ITPR2: variants seen among roughly 807,000 people sequenced by gnomAD.
ITPR2 encodes inositol 1,4,5-trisphosphate-gated calcium channel ITPR2.
Under a neutral mutation model 317.1 loss-of-function variants are expected in ITPR2, and 207 were observed. The observed-to-expected ratio is 0.65, with a 90% CI of 0.58 to 0.73. ITPR2 has a LOEUF of 0.73. Among genes scored for constraint, ITPR2 ranks in the 30% least tolerant of loss-of-function variants. The pLI is 0.00. For missense variants in ITPR2, 2,613 were observed against 3,284.0 expected, an observed-to-expected ratio of 0.80 and a Z score of 4.99; for synonymous variants, 1,156 against 1,149.1, an observed-to-expected ratio of 1.01 and a Z score of -0.12.
chr12:26,588,466 T>C (rs1384445226), intron 32 of ITPR2, among the ~76,000 whole-genome samples: 1 of 152,190 alleles, frequency 6.6e-6, no homozygotes, highest in Non-Finnish European at 1.5e-5. Flanking sequence ...CCATATAAAA[T>C]GAGCCCTTTT....
intron 44 of ITPR2, among the ~76,000 whole-genome samples, chr12:26,476,368 G>A (rs1297714526): frequency 1.3e-5 from 2 of 152,140 alleles, no homozygotes; most frequent in African/African-American, 4.8e-5. Context: ...TTCATAATGT[G>A]CATGCCACGA....
intron 31 of ITPR2, among the ~76,000 whole-genome samples, chr12:26,595,794 T>A (rs908480306): frequency 2.0e-5 from 3 of 152,154 alleles, no homozygotes; most frequent in Non-Finnish European, 4.4e-5. Flanking sequence ...TAGTACTCCA[T>A]CCCCCTGGGC....
Position 26,769,967 on chromosome 12 carries a change from G to A in ITPR2, c.163+20190C>T, listed in dbSNP as rs555314084. 5.3e-5 allele frequency among the ~76,000 whole-genome samples: 8 copies of A among 152,216 alleles called. No homozygotes were observed. In the South Asian group the frequency reaches 1.7e-3, roughly 32 times the overall value. On this transcript the variant is annotated intron_variant, in intron 2 of 56. Transcript: ENST00000381340. ...GAAATTCTACTGGTGTAACACGATT[G>A]GGAATAACTTCCTAAAGAATACAAA... is the stretch of plus-strand genomic sequence containing the variant.
intron 2 of ITPR2, among the ~76,000 whole-genome samples, chr12:26,737,299 C>G (rs1310810915): frequency 6.6e-6 from 1 of 151,744 alleles, no homozygotes; most frequent in Non-Finnish European, 1.5e-5. Flanking sequence ...CGCTCTGTCA[C>G]CCAGGCTGGA....
chr12:26,802,097 A>C (rs1312089600), intron 1 of ITPR2, among the ~76,000 whole-genome samples: 1 of 152,118 alleles, frequency 6.6e-6, no homozygotes, highest in African/African-American at 2.4e-5. Context: ...GCAAGGAGTT[A>C]AAGATCAGCC....
chr12:26,517,619 C>G (rs913131025), intron 37 of ITPR2, among the ~76,000 whole-genome samples: 1 of 152,170 alleles, frequency 6.6e-6, no homozygotes, highest in Non-Finnish European at 1.5e-5. Context: ...AGGTGGATCA[C>G]CAGAGGTCAG....
chr12:26,566,076 A>G (rs1944971452), intron 34 of ITPR2, among the ~76,000 whole-genome samples: 1 of 117,924 alleles, frequency 8.5e-6, no homozygotes. Context: ...AGGAAAGGAG[A>G]AGGAGAGGAG....
chr12:26,667,944 C>T (rs1947664788), intron 13 of ITPR2, among the ~76,000 whole-genome samples: 1 of 152,080 alleles, frequency 6.6e-6, no homozygotes, highest in Admixed American at 6.6e-5. Context: ...CATGTAAAGC[C>T]CACCTCTTCA....
chr12:26,601,203 C>T (rs1018354097), intron 28 of ITPR2, among the ~76,000 whole-genome samples: 4 of 152,108 alleles, frequency 2.6e-5, no homozygotes, highest in South Asian at 2.1e-4. Flanking sequence ...GGCATTGTTA[C>T]GAATTCAGAT....
intron 32 of ITPR2, among the ~76,000 whole-genome samples, chr12:26,590,013 T>C (rs1351396867): frequency 6.6e-6 from 1 of 151,430 alleles, no homozygotes; most frequent in Admixed American, 6.6e-5. Flanking sequence ...CTCAAAAGTA[T>C]GTTGAAACTA....
At position 26,700,290 on chromosome 12, in the gene ITPR2, G is replaced by C. The variant is rs566476370; in HGVS notation, c.952-4640C>G. ...GGTAGAATTTTAACTGGCAGGGCAG[G>C]AACCAGGGAGTGAAGAAGGCAGCAA... On this transcript the variant is annotated intron_variant, in intron 9 of 56. Transcript: ENST00000381340. Among the ~76,000 whole-genome samples the C allele has an allele frequency of 8.1e-4, 124 of 152,336 alleles. 5 individuals carry two copies. The South Asian group carries it at 0.021, about 26-fold the overall frequency.
intron 2 of ITPR2, among the ~76,000 whole-genome samples, chr12:26,769,432 G>C (rs1251295163): frequency 6.6e-6 from 1 of 152,012 alleles, no homozygotes; most frequent in East Asian, 1.9e-4. Context: ...ACCTGGGAAG[G>C]AAAGGCAGTT....
chr12:26,791,655 C>T (rs781205911), intron 1 of ITPR2, among the ~76,000 whole-genome samples: 4 of 152,068 alleles, frequency 2.6e-5, no homozygotes, highest in Non-Finnish European at 5.9e-5. Context: ...TTTACAAGAG[C>T]TGCCAGGCAT....
rs979964520 is a variant in ITPR2 at position 26,336,839 on chromosome 12, C to G, written c.*2558G>C. 1 of 152,078 alleles carries G rather than the reference C, an allele frequency of 6.6e-6. No homozygotes were observed. The highest frequency in any genetic ancestry group is 1.5e-5 in the Non-Finnish European group (1 of 67,998). The allele number at this position is 152,078 out of a possible 1,614,324, so 9.4% of individuals were successfully genotyped here. A position where few individuals can be genotyped will look rare whatever the true frequency, so the allele number is the denominator to read the frequency against. Reference sequence around the variant, plus strand: ...CTGATACTCACCTAAGTCAAATATTCCAGTTGCATTAACAAACATACACAT... The same window carrying G: ...CTGATACTCACCTAAGTCAAATATTGCAGTTGCATTAACAAACATACACAT... On this transcript the variant is annotated 3_prime_UTR_variant, in exon 57 of 57. Coordinates refer to ENST00000381340, the MANE Select transcript of ITPR2 (RefSeq NM_002223.4).
At chr12:26,634,884 CAAAAAAAAAA>C (rs55985706) in intron 21 of ITPR2, among the ~76,000 whole-genome samples, 2 of 58,544 alleles carry the variant, frequency 3.4e-5, no homozygotes, top group African/African-American at 6.6e-5. Flanking sequence ...GACTTCATCT[CAAAAAAAAAA>C]AAAAAAAAAA....
intron 37 of ITPR2, among the ~76,000 whole-genome samples, chr12:26,523,972 T>G (rs1328431459): frequency 4.6e-5 from 7 of 152,242 alleles, no homozygotes; most frequent in Non-Finnish European, 1.0e-4. Context: ...AGCTTTAATC[T>G]GCACGGAGTG....
intron 40 of ITPR2, 53 bp from the exon 41 acceptor site, chr12:26,486,413 T>TTA: frequency 3.1e-6 from 3 of 974,236 alleles, no homozygotes; most frequent in South Asian, 2.1e-5. Flanking sequence ...TTTTACTAAT[T>TTA]AAAAAAAAAA....
intron 55 of ITPR2, among the ~76,000 whole-genome samples, chr12:26,345,406 A>G (rs577605296): frequency 1.1e-3 from 173 of 152,326 alleles, no homozygotes; most frequent in Non-Finnish European, 1.8e-3. Context: ...TCTATGATGA[A>G]GGATAATTTA....
intron 21 of ITPR2, among the ~76,000 whole-genome samples, chr12:26,637,406 G>A (rs1288301464): frequency 6.6e-6 from 1 of 152,120 alleles, no homozygotes; most frequent in African/African-American, 2.4e-5. Context: ...ATCTTAGAGT[G>A]AGGGCAGTGA....
Sources: allele counts gnomAD v4.1 joint callset (sites outside exome capture counted in the v4.1 genomes callset), GRCh38; gene constraint gnomAD v4.1.1; transcripts MANE v1.5; gene names NCBI Gene and HGNC (gene_info 2026-07-23, HGNC 2026-07-21).